ROBO2: variants seen among roughly 807,000 people sequenced by gnomAD.
The protein encoded by ROBO2 is roundabout guidance receptor 2.
Under a neutral mutation model 160.8 loss-of-function variants are expected in ROBO2, and 53 were observed. The observed-to-expected ratio is 0.33, with a 90% CI of 0.26 to 0.41. The LOEUF (loss-of-function observed/expected upper bound fraction) is 0.41. Among genes scored for constraint, ROBO2 ranks in the 10% least tolerant of loss-of-function variants. The probability of loss-of-function intolerance (pLI) is 1.00; values close to 1 mark genes in which losing one functional copy is unlikely to be tolerated. For missense variants in ROBO2, 1,577 were observed against 1,722.4 expected (o/e 0.92, Z 1.49); for synonymous variants, 664 against 611.7 (o/e 1.09, Z -1.26).
intron 2 of ROBO2, among the ~76,000 whole-genome samples, chr3:76,184,801 C>T (rs974756232): frequency 6.6e-6 from 1 of 152,084 alleles, no homozygotes; most frequent in Admixed American, 6.6e-5. Context: ...TGTGTAAGTT[C>T]TGGACTCCAA....
At chr3:76,333,696 A>C (rs2073663585) in intron 2 of ROBO2, among the ~76,000 whole-genome samples, 1 of 152,208 alleles carries the variant, frequency 6.6e-6, no homozygotes, top group Non-Finnish European at 1.5e-5. Context: ...AAAGAAGCCT[A>C]GCTTCATAGT....
At chr3:75,945,598 C>A (rs1422021882) in intron 2 of ROBO2, among the ~76,000 whole-genome samples, 6 of 151,996 alleles carry the variant, frequency 3.9e-5, no homozygotes, top group Non-Finnish European at 7.4e-5. Context: ...CAATTGACTA[C>A]AAAACAAACT....
intron 2 of ROBO2, among the ~76,000 whole-genome samples, chr3:76,453,952 C>T (rs1037598278): frequency 2.0e-5 from 3 of 152,002 alleles, no homozygotes; most frequent in African/African-American, 7.2e-5. Context: ...TTGCAGAGCC[C>T]AGAAAGTGCA....
At chr3:77,551,139 T>G (rs2092905383) in intron 8 of ROBO2, 150 bp downstream of exon 9, 1 of 824,214 alleles carries the variant, frequency 1.2e-6, no homozygotes, top group Non-Finnish European at 2.0e-6. Context: ...TTTTGGTAGT[T>G]TCTAATTCTC....
At chr3:77,149,358 C>T (rs549871783) in intron 2 of ROBO2, among the ~76,000 whole-genome samples, 60 of 152,040 alleles carry the variant, frequency 3.9e-4, no homozygotes, top group South Asian at 2.9e-3. Context: ...AATGGTATCT[C>T]GCAAACATAT....
intron 2 of ROBO2, among the ~76,000 whole-genome samples, chr3:76,433,789 C>T (rs1035514362): frequency 3.9e-5 from 6 of 152,280 alleles, no homozygotes; most frequent in South Asian, 2.1e-4. Flanking sequence ...TCAGTTCCAT[C>T]GATTGAGTTG....
intron 2 of ROBO2, among the ~76,000 whole-genome samples, chr3:76,049,550 G>A (rs929087816): frequency 8.0e-5 from 12 of 150,816 alleles, no homozygotes; most frequent in African/African-American, 2.4e-4. Flanking sequence ...GGCCACAAGC[G>A]TTCCTTTAGT....
intron 2 of ROBO2, among the ~76,000 whole-genome samples, chr3:76,888,862 T>A: frequency 6.6e-6 from 1 of 152,212 alleles, no homozygotes; most frequent in Admixed American, 6.5e-5. Flanking sequence ...CTGTGCAACC[T>A]CTCTGGGTTG....
At position 77,368,020 on chromosome 3, in the gene ROBO2, T is replaced by C. The variant is rs1045818262; in HGVS notation, c.389-109394T>C. 3.3e-5 allele frequency among the ~76,000 whole-genome samples: 5 copies of C among 152,134 alleles called. No individual in the cohort carries two copies. The East Asian group carries it at 9.6e-4, about 29-fold the overall frequency. ...AGTATGTTTTTTATAAATAGTGGAGTGTTTCTAGTGTCATCTGCCTTGTCT... is the reference window on the plus strand; with the variant it reads ...AGTATGTTTTTTATAAATAGTGGAGCGTTTCTAGTGTCATCTGCCTTGTCT... On this transcript the variant is annotated intron_variant, in intron 2 of 25. Transcript: ENST00000461745.
chr3:75,910,552 A>G (rs1390003896), intron 1 of ROBO2, among the ~76,000 whole-genome samples: 1 of 152,196 alleles, frequency 6.6e-6, no homozygotes, highest in Non-Finnish European at 1.5e-5. Flanking sequence ...TACGAGATTC[A>G]TCCCCTGTCC....
At chr3:77,047,439 C>T (rs1322983207) in intron 1 of ROBO2, among the ~76,000 whole-genome samples, 3 of 151,828 alleles carry the variant, frequency 2.0e-5, no homozygotes, top group Non-Finnish European at 4.4e-5. Context: ...AATCCCAGCA[C>T]TTTGGGAGGG....
chr3:76,718,582 G>A (rs1470292810), intron 2 of ROBO2, among the ~76,000 whole-genome samples: 3 of 152,102 alleles, frequency 2.0e-5, no homozygotes, highest in Non-Finnish European at 4.4e-5. Context: ...TAGCAACTTA[G>A]GCCTGAATGT....
At chr3:76,802,711 G>A (rs1380891442) in intron 2 of ROBO2, among the ~76,000 whole-genome samples, 2 of 142,010 alleles carry the variant, frequency 1.4e-5, no homozygotes, top group African/African-American at 5.2e-5. Flanking sequence ...CTGGGCGACA[G>A]AGCGAGACTC....
intron 2 of ROBO2, among the ~76,000 whole-genome samples, chr3:76,325,626 G>C (rs1044042617): frequency 6.6e-6 from 1 of 151,902 alleles, no homozygotes; most frequent in Admixed American, 6.6e-5. Flanking sequence ...AGCCAAAGCA[G>C]GTGATGTTGA....
chr3:76,952,160 T>C (rs1473741894), intron 2 of ROBO2, among the ~76,000 whole-genome samples: 1 of 152,262 alleles, frequency 6.6e-6, no homozygotes, highest in African/African-American at 2.4e-5. Flanking sequence ...GCCTGCGTTC[T>C]GACTATGTCT....
intron 2 of ROBO2, among the ~76,000 whole-genome samples, chr3:77,029,634 A>T (rs1242085923): frequency 6.6e-6 from 1 of 152,302 alleles, no homozygotes; most frequent in Middle Eastern, 3.4e-3. Context: ...ACATTTTCAC[A>T]TAGAGACTAT....
At chr3:77,626,221 C>A (rs1016921899) in intron 23 of ROBO2, among the ~76,000 whole-genome samples, 7 of 152,108 alleles carry the variant, frequency 4.6e-5, no homozygotes, top group African/African-American at 9.7e-5. Flanking sequence ...TTTTCTCTCT[C>A]GAAACATTAG....
intron 2 of ROBO2, among the ~76,000 whole-genome samples, chr3:76,852,177 C>T (rs752624303): frequency 3.5e-4 from 53 of 152,146 alleles, no homozygotes; most frequent in Non-Finnish European, 6.2e-4. Context: ...CTATCAGTTG[C>T]CTTCTTCCCT....
At chr3:76,526,454 ATGTT>A (rs948749305) in intron 2 of ROBO2, among the ~76,000 whole-genome samples, 26 of 151,946 alleles carry the variant, frequency 1.7e-4, no homozygotes, top group Non-Finnish European at 3.7e-4. Context: ...TTGTTTTTAC[ATGTT>A]TGTTGATTCT....
Sources: gnomAD v4.1 joint callset for allele counts (sites outside exome capture counted in the v4.1 genomes callset) on GRCh38, gnomAD v4.1.1 for gene constraint, MANE v1.5 for transcripts, NCBI Gene and HGNC (gene_info 2026-07-23, HGNC 2026-07-21) for gene names.